Variants in CCDC171 observed in about 807,000 individuals in gnomAD.
CCDC171 encodes the protein coiled-coil domain-containing protein 171.
CCDC171 carries 177 observed loss-of-function variants against 168.2 expected under a neutral mutation model. The observed-to-expected ratio is 1.05, with a 90% confidence interval of 0.93 to 1.19. The LOEUF (loss-of-function observed/expected upper bound fraction) is 1.19, where lower values mean the gene tolerates loss of function less well. Ranked by LOEUF, CCDC171 falls within the 50% of genes most tolerant of loss-of-function variation. The pLI is 0.00. For missense variants in CCDC171, 1,991 were observed against 1,539.0 expected, an observed-to-expected ratio of 1.29 and a Z score of -4.91; for synonymous variants, 687 against 540.8, an observed-to-expected ratio of 1.27 and a Z score of -3.75.
At position 15,816,412 on chromosome 9, in the gene CCDC171, T is replaced by G. The variant is rs557862902; in HGVS notation, c.3268-30290T>G. ...CACTCACATATAAACATTATTAATA[T>G]TTTGGCAAATAAAACTGGAAATATG... On this transcript the variant is annotated intron_variant, in intron 21 of 25. Transcript: ENST00000380701. Among the ~76,000 whole-genome samples, 5 of 119,270 alleles carry G rather than the reference T, an allele frequency of 4.2e-5. 1 individual carries two copies. Among genetic ancestry groups the G allele is most frequent in the Admixed American group, 3.9e-4 (5 of 12,670 alleles). 78.2% of individuals were successfully genotyped at this position (119,270 alleles called of 152,430 possible). A position where few individuals can be genotyped will look rare whatever the true frequency, so the allele number is the denominator to read the frequency against.
At chr9:15,790,534 C>T (rs1378380579) in intron 21 of CCDC171, among the ~76,000 whole-genome samples, 1 of 152,180 alleles carries the variant, frequency 6.6e-6, no homozygotes, top group Non-Finnish European at 1.5e-5. Flanking sequence ...ATTTTTCTCC[C>T]ATCCTGTAGG....
At position 15,594,168 on chromosome 9, in the gene CCDC171, T is replaced by A; in HGVS notation, c.671T>A (p.Val224Glu). ...EAERRELQFIVQEQDTAVQNM... is the reference protein window; with the variant it reads ...EAERRELQFIEQEQDTAVQNM... ...GAAAGAAGAGAATTACAATTTATAGTACAGGTATTTTAAAAATAATCAGTT... is the reference window on the plus strand; with the variant it reads ...GAAAGAAGAGAATTACAATTTATAGAACAGGTATTTTAAAAATAATCAGTT... The change falls in exon 6 of 26, where the codon GTA becomes GAA. Residue 224 changes from valine (V) to glutamate (E), a missense_variant. Val to Glu is a moderately radical substitution (Grantham distance 121). Coordinates refer to ENST00000380701, the MANE Select transcript of CCDC171 (RefSeq NM_173550.4). 7.3e-7 allele frequency: 1 copy of A among 1,374,814 alleles called. No individual in the cohort carries two copies. The highest frequency in any genetic ancestry group is 1.3e-5 in the South Asian group (1 of 77,436). 85.2% of individuals were successfully genotyped at this position (1,374,814 alleles called of 1,614,324 possible).
chr9:16,080,325 C>A, the CCDC171 span, among the ~76,000 whole-genome samples: 12 of 152,082 alleles, frequency 7.9e-5, no homozygotes, highest in Non-Finnish European at 8.8e-5. Flanking sequence ...TATGTTAGGG[C>A]TTTTGTGTGT....
At chr9:16,027,668 G>A (rs1469843181) in intron 6 of CCDC171, among the ~76,000 whole-genome samples, 2 of 152,108 alleles carry the variant, frequency 1.3e-5, no homozygotes, top group East Asian at 1.9e-4. Context: ...CCTGGTGCAC[G>A]GCACAAAACA....
Position 15,564,120 on chromosome 9 carries a change from A to G in CCDC171, c.32A>G (p.Asp11Gly). The change falls in exon 2 of 26, where the codon GAT becomes GGT. Residue 11 changes from aspartate to glycine, a missense_variant. Transcript: ENST00000380701. MNLNTSSNTG[D>G]TQRLKIASLD... is the part of the protein sequence containing the mutation. ...TTGAATACTTCAAGTAATACTGGTG[A>G]TACCCAAAGGTAAGCCTCTAGTCTC... 1.2e-6 allele frequency: 2 copies of G among 1,608,858 alleles called. No individual in the cohort carries two copies. Among genetic ancestry groups the G allele is most frequent in the Non-Finnish European group, 1.7e-6 (2 of 1,177,340 alleles).
chr9:15,963,078 A>T (rs1830495992), intron 25 of CCDC171, among the ~76,000 whole-genome samples: 1 of 152,072 alleles, frequency 6.6e-6, no homozygotes, highest in African/African-American at 2.4e-5. Flanking sequence ...TTTTATTTTT[A>T]AAAAGTTTTG....
chr9:15,798,688 A>C (rs1335480201), intron 21 of CCDC171, among the ~76,000 whole-genome samples: 1 of 152,126 alleles, frequency 6.6e-6, no homozygotes, highest in East Asian at 1.9e-4. Flanking sequence ...CCGTTTATTA[A>C]AATATTGTCT....
In CCDC171 at chr9:15,824,442, C is replaced by T. The variant is rs570594849; in HGVS notation, c.3268-22260C>T. On this transcript the variant is annotated intron_variant, in intron 21 of 25. Transcript: ENST00000380701. ...TTTTGGGTGTGGTTTTTGTCATTTG[C>T]GTGTTCAGTCTTCTATTGGTGCTTT... Among the ~76,000 whole-genome samples, 126 of 151,844 alleles carry T rather than the reference C, an allele frequency of 8.3e-4. 1 individual carries two copies. The highest frequency in any genetic ancestry group is 2.9e-3 in the African/African-American group (122 of 41,460).
chr9:15,944,340 G>A (rs2132335492), intron 25 of CCDC171, among the ~76,000 whole-genome samples: 1 of 152,076 alleles, frequency 6.6e-6, no homozygotes, highest in Non-Finnish European at 1.5e-5. Flanking sequence ...GGCATAATCT[G>A]TGAACATGAA....
At chr9:15,686,959 C>A (rs529275574) in intron 10 of CCDC171, among the ~76,000 whole-genome samples, 1 of 152,158 alleles carries the variant, frequency 6.6e-6, no homozygotes, top group Non-Finnish European at 1.5e-5. Flanking sequence ...AAGATACATT[C>A]TTCTCAAGTG....
chr9:15,754,182 A>G (rs564199577), intron 18 of CCDC171, among the ~76,000 whole-genome samples: 3 of 152,304 alleles, frequency 2.0e-5, no homozygotes, highest in African/African-American at 4.8e-5. Context: ...GGAGTTTCCA[A>G]TTTAGCATAT....
rs376647184 is a variant in CCDC171 at position 15,695,246 on chromosome 9, C to G, written c.1227C>G (p.His409Gln). The G allele has an allele frequency of 1.4e-5, 22 of 1,613,356 alleles. No homozygotes were observed. The Middle Eastern group carries it at 8.2e-4, about 60-fold the overall frequency. The stretch of plus-strand genomic sequence containing the variant: ...TTCTTAATTAAAAGGCTAAGAAGCA[C>G]CAGGCCTTCCTAGTAGAGACATGTG... ...LQEELVMAKK[H>Q]QAFLVETCEN... Residue 409 changes from histidine to glutamine, a missense_variant, in exon 11 of 26, where the codon CAC becomes CAG. Physicochemically the swap from His to Gln is conservative, Grantham distance 24. Transcript: ENST00000380701.
intron 25 of CCDC171, among the ~76,000 whole-genome samples, chr9:15,924,660 C>G (rs1172836304): frequency 1.3e-5 from 2 of 151,408 alleles, no homozygotes; most frequent in African/African-American, 4.8e-5. Context: ...TTTCTGCAGC[C>G]TGTTTTCCTC....
At chr9:16,097,908 G>A in the CCDC171 span, among the ~76,000 whole-genome samples, 1 of 152,184 alleles carries the variant, frequency 6.6e-6, no homozygotes, top group East Asian at 1.9e-4. Context: ...TGCACCCCAT[G>A]CATCCTGCCC....
chr9:15,736,945 T>C (rs912364399), intron 16 of CCDC171, among the ~76,000 whole-genome samples: 12 of 152,252 alleles, frequency 7.9e-5, no homozygotes, highest in African/African-American at 2.9e-4. Context: ...TGAACTACTG[T>C]GCCTGGCCAG....
chr9:15,750,182 TATAAAGACCTCTAC>T (rs1214549587), intron 18 of CCDC171, among the ~76,000 whole-genome samples: 1 of 152,104 alleles, frequency 6.6e-6, no homozygotes, highest in Non-Finnish European at 1.5e-5. Context: ...CAGAGAATGC[TATAAAGACCTCTAC>T]ATAAATAAAC....
chr9:15,565,428 C>T (rs978602728), intron 2 of CCDC171, among the ~76,000 whole-genome samples: 1 of 152,140 alleles, frequency 6.6e-6, no homozygotes, highest in Non-Finnish European at 1.5e-5. Context: ...AGGCAATCCT[C>T]CTGCATCAGC....
At chr9:15,660,243 TCAG>T (rs1202566790) in intron 8 of CCDC171, among the ~76,000 whole-genome samples, 2 of 152,248 alleles carry the variant, frequency 1.3e-5, no homozygotes, top group Admixed American at 1.3e-4. Context: ...TTCTTTAAGA[TCAG>T]GTCACTAAAG....
chr9:16,035,163 GA>G (rs1833440849), intron 6 of CCDC171, among the ~76,000 whole-genome samples: 1 of 152,172 alleles, frequency 6.6e-6, no homozygotes, highest in Admixed American at 6.5e-5. Context: ...AGCTAATTCA[GA>G]TATCTGTTTA....
Sources: gnomAD v4.1 joint callset for allele counts (sites outside exome capture counted in the v4.1 genomes callset) on GRCh38, gnomAD v4.1.1 for gene constraint, MANE v1.5 for transcripts, NCBI Gene and HGNC (gene_info 2026-07-23, HGNC 2026-07-21) for gene names.